The following ERAP1 variants were observed in gnomAD, a reference collection of about 807,000 sequenced individuals.
The protein encoded by ERAP1 is endoplasmic reticulum aminopeptidase 1.
In ERAP1, 86 loss-of-function variants were observed where a neutral mutation model predicts 103.7. That is an observed-to-expected ratio of 0.83 (90% CI 0.70 to 0.99). The LOEUF (loss-of-function observed/expected upper bound fraction) is 0.99, where lower values mean the gene tolerates loss of function less well. Among genes scored for constraint, ERAP1 ranks in the 50% least tolerant of loss-of-function variants. ERAP1 has a pLI of 0.00. For missense variants in ERAP1, 1,009 were observed against 1,128.4 expected, an observed-to-expected ratio of 0.89 and a Z score of 1.52; for synonymous variants, 398 against 402.4, an observed-to-expected ratio of 0.99 and a Z score of 0.13.
chr5:96,903,651 T>A, the ERAP1 span: 1 of 1,197,586 alleles, frequency 8.4e-7, no homozygotes, highest in Non-Finnish European at 1.2e-6. Context: ...ACATTGGTCA[T>A]TGATTTAATA....
At position 96,790,336 on chromosome 5, in the gene ERAP1, TCCATCC is replaced by T; in HGVS notation, c.1478_1483del (p.Gly493_Met494del). 1.1e-5 allele frequency: 17 copies of T among 1,614,074 alleles called. No individual in the cohort carries two copies. Among genetic ancestry groups the T allele is most frequent in the Non-Finnish European group, 1.4e-5 (17 of 1,179,970 alleles). On this transcript the variant is annotated inframe_deletion, in exon 10 of 19. Coordinates refer to ENST00000443439, the MANE Select transcript of ERAP1 (RefSeq NM_001040458.3). ...ATGTTGACTTCTAGAGCAAAAGCCA[TCCATCC>T]CTTTTACACCATCTGTAGGGCAAAT... is the stretch of plus-strand genomic sequence containing the variant.
chr5:96,781,701 C>T lies in ERAP1; in HGVS notation c.2439G>A (p.Lys813=). ...FALCRTQNKE[K]LQWLLDESFK... ...ATGAATGACGGACTCACCATTGAAG[C>T]TTTTCCTTATTTTGGGTTCTGCAGA... The change falls in exon 16 of 19, where the codon AAG becomes AAA. Residue 813 remains lysine, a synonymous_variant. Transcript: ENST00000443439. 6.2e-7 allele frequency: 1 copy of T among 1,614,182 alleles called. No individual in the cohort carries two copies. Among genetic ancestry groups the T allele is most frequent in the Non-Finnish European group, 8.5e-7 (1 of 1,180,022 alleles).
the ERAP1 span, chr5:96,886,655 G>C: frequency 6.6e-7 from 1 of 1,512,130 alleles, no homozygotes; most frequent in Non-Finnish European, 9.0e-7. Context: ...CTTTCTGTAG[G>C]TTAAGACAAT....
the ERAP1 span, among the ~76,000 whole-genome samples, chr5:96,881,662 C>A: frequency 6.6e-6 from 1 of 152,184 alleles, no homozygotes; most frequent in Non-Finnish European, 1.5e-5. Flanking sequence ...AGGACCCAGG[C>A]TCCTTCTGTC....
At chr5:96,762,552 T>G in exon 20 of ERAP1, 3 of 503,190 alleles carry the variant, frequency 6.0e-6, no homozygotes, top group Non-Finnish European at 7.2e-6. Context: ...AACTTTGAAA[T>G]GATTAAATGA....
At chr5:96,910,334 C>T in the ERAP1 span, 1 of 151,316 alleles carries the variant, frequency 6.6e-6, no homozygotes, top group East Asian at 1.9e-4. Flanking sequence ...CTCGCTATAA[C>T]TAAATCTGTG....
chr5:96,768,867 T>C (rs1206736496), intron 19 of ERAP1: 2 of 157,284 alleles, frequency 1.3e-5, no homozygotes, highest in African/African-American at 4.8e-5. Flanking sequence ...CTCTCTTCCA[T>C]GCCCTCCTTG....
Position 96,775,586 on chromosome 5 carries a change from T to C in ERAP1, c.*810A>G, listed in dbSNP as rs1774085873. 1 of 835,282 alleles carries C rather than the reference T, an allele frequency of 1.2e-6. No homozygotes were observed. The highest frequency in any genetic ancestry group is 1.4e-6 in the Non-Finnish European group (1 of 693,332). 51.7% of individuals were successfully genotyped at this position (835,282 alleles called of 1,614,324 possible). A position where few individuals can be genotyped will look rare whatever the true frequency, so the allele number is the denominator to read the frequency against. ...TCTATAAAAAGATTTTTTGCAAAAG[T>C]GCGAGCACATTATGTAGAAACCACA... On this transcript the variant is annotated 3_prime_UTR_variant, in exon 19 of 19. Coordinates refer to ENST00000443439, the MANE Select transcript of ERAP1 (RefSeq NM_001040458.3).
chr5:96,783,908 T>G lies in ERAP1; in HGVS notation c.2100+16A>C. On this transcript the variant is annotated intron_variant, in intron 14 of 18. Coordinates refer to ENST00000443439, the MANE Select transcript of ERAP1 (RefSeq NM_001040458.3). ...ACACAAATAATAATTACATAACTTT[T>G]ATTTCAGGCTTTTACCTTGAATTGA... 2 of 1,601,334 alleles carry G rather than the reference T, an allele frequency of 1.2e-6. No homozygotes were observed. The highest frequency in any genetic ancestry group is 1.7e-6 in the Non-Finnish European group (2 of 1,171,274).
At chr5:96,905,397 T>C in the ERAP1 span, among the ~76,000 whole-genome samples, 8 of 152,246 alleles carry the variant, frequency 5.3e-5, no homozygotes, top group African/African-American at 1.9e-4. Context: ...CTGGTTGTTT[T>C]GTAATTATGA....
chr5:96,897,840 G>T, the ERAP1 span, among the ~76,000 whole-genome samples: 1 of 152,150 alleles, frequency 6.6e-6, no homozygotes, highest in Non-Finnish European at 1.5e-5. Context: ...TTTTTTACAA[G>T]CACTTGTGTC....
the ERAP1 span, chr5:96,902,410 G>A: frequency 1.9e-6 from 2 of 1,072,428 alleles, no homozygotes; most frequent in South Asian, 1.3e-5. Context: ...CATGTGTTGA[G>A]CTATTTGAAG....
At chr5:96,856,191 T>C in the ERAP1 span, among the ~76,000 whole-genome samples, 2 of 150,242 alleles carry the variant, frequency 1.3e-5, no homozygotes, top group African/African-American at 4.9e-5. Context: ...TGGTGGCAGA[T>C]GCCTGTAATC....
At chr5:96,871,305 G>A in the ERAP1 span, among the ~76,000 whole-genome samples, 1 of 152,072 alleles carries the variant, frequency 6.6e-6, no homozygotes, top group Admixed American at 6.5e-5. Context: ...TGCTGTCTTG[G>A]GTTGCCTGAT....
At position 96,795,159 on chromosome 5, in the gene ERAP1, A is replaced by C. The variant is rs1405466146; in HGVS notation, c.802T>G (p.Ser268Ala). The C allele has an allele frequency of 6.2e-7, 1 of 1,613,582 alleles. No individual in the cohort carries two copies. Among genetic ancestry groups the C allele is most frequent in the East Asian group, 2.2e-5 (1 of 44,870 alleles). ...SKITKSGVKV[S>A]VYAVPDKINQ... ...ATCTTGTCTGGCACAGCATAAACAG[A>C]AACCTAAAGAGAAAGGCACAGAAAG... Residue 268 changes from serine to alanine, a missense_variant, in exon 5 of 19, where the codon TCT (serine) becomes GCT (alanine). Coordinates refer to ENST00000443439, the MANE Select transcript of ERAP1 (RefSeq NM_001040458.3).
chr5:96,930,662 T>C, the ERAP1 span, among the ~76,000 whole-genome samples: 1 of 152,036 alleles, frequency 6.6e-6, no homozygotes, highest in Non-Finnish European at 1.5e-5. Flanking sequence ...GAATGGAAAA[T>C]GGTTTTGTTC....
the ERAP1 span, among the ~76,000 whole-genome samples, chr5:96,874,875 G>A: frequency 6.6e-6 from 1 of 152,230 alleles, no homozygotes; most frequent in Non-Finnish European, 1.5e-5. Context: ...CATGATAAGA[G>A]CTAAGCTTGT....
the ERAP1 span, among the ~76,000 whole-genome samples, chr5:96,815,407 G>GTTTTTTGTTTTTTT: frequency 9.5e-6 from 1 of 105,458 alleles, no homozygotes; most frequent in Non-Finnish European, 2.1e-5. Context: ...TGTTTGTTTT[G>GTTTTTTGTTTTTTT]TTTTTTATTT....
the ERAP1 span, chr5:96,814,136 G>A: frequency 2.4e-6 from 1 of 422,416 alleles, no homozygotes; most frequent in Admixed American, 2.5e-5. Context: ...AGGCCCAGCA[G>A]AAGGGAAGGA....
Sources: allele counts gnomAD v4.1 joint callset (sites outside exome capture counted in the v4.1 genomes callset), GRCh38; gene constraint gnomAD v4.1.1; transcripts MANE v1.5; gene names NCBI Gene and HGNC (gene_info 2026-07-23, HGNC 2026-07-21).